FCRL6: variants seen among roughly 807,000 people sequenced by gnomAD.
FCRL6 encodes the protein Fc receptor like 6, also known as Fc receptor-like protein 6.
Under a neutral mutation model 49.1 loss-of-function variants are expected in FCRL6, and 50 were observed. The ratio of observed to expected loss-of-function variants is 1.02; its 90% confidence interval spans 0.81 to 1.29. The LOEUF (loss-of-function observed/expected upper bound fraction) is 1.29. Ranked by LOEUF, FCRL6 falls within the 50% of genes most tolerant of loss-of-function variation. FCRL6 has a pLI of 0.00. For missense variants in FCRL6, 571 were observed against 518.5 expected (o/e 1.10, Z -0.98); for synonymous variants, 213 against 199.6 (o/e 1.07, Z -0.57).
upstream of FCRL6, among the ~76,000 whole-genome samples, chr1:159,801,442 G>A (rs1411187986): frequency 1.3e-5 from 2 of 152,130 alleles, no homozygotes; most frequent in Non-Finnish European, 2.9e-5. Context: ...GGAGGGTCAC[G>A]GGCTCCCCCA....
At chr1:159,804,829 T>G (rs962428691) in intron 1 of FCRL6, among the ~76,000 whole-genome samples, 1 of 152,124 alleles carries the variant, frequency 6.6e-6, no homozygotes, top group African/African-American at 2.4e-5. Context: ...TCCAGTGAGG[T>G]GGGGAAGGGA....
chr1:159,800,550 C>G, upstream of FCRL6: 4 of 1,537,700 alleles, frequency 2.6e-6, no homozygotes, highest in South Asian at 4.8e-5. Context: ...AAGTTGAAGA[C>G]AACTCAGGAG....
At chr1:159,806,789 C>T (rs1211765522) in intron 2 of FCRL6, among the ~76,000 whole-genome samples, 173 bp downstream of exon 2, 1 of 152,178 alleles carries the variant, frequency 6.6e-6, no homozygotes, top group Non-Finnish European at 1.5e-5. Context: ...GAACTTGGAA[C>T]TCCACTAGTC....
At chr1:159,806,659 G>A (rs1436683029) in intron 2 of FCRL6, 43 bp downstream of exon 2, 11 of 1,604,150 alleles carry the variant, frequency 6.9e-6, no homozygotes, top group African/African-American at 1.3e-5. Context: ...GTATGTCTAT[G>A]GGCCAAAACT....
intron 8 of FCRL6, 67 bp from the exon 9 acceptor site, chr1:159,815,361 G>T (rs1455965108): frequency 9.2e-5 from 143 of 1,548,784 alleles, no homozygotes; most frequent in Non-Finnish European, 1.3e-4. Flanking sequence ...CAGCCAGGAG[G>T]GGTGGGAAGG....
upstream of FCRL6, among the ~76,000 whole-genome samples, chr1:159,801,416 G>T (rs1662327595): frequency 6.6e-6 from 1 of 152,222 alleles, no homozygotes; most frequent in East Asian, 1.9e-4. Flanking sequence ...CCAATACTCA[G>T]TAGAGGATTG....
chr1:159,807,235 G>C (rs1309838542), intron 2 of FCRL6, among the ~76,000 whole-genome samples: 4 of 152,218 alleles, frequency 2.6e-5, no homozygotes, highest in African/African-American at 4.8e-5. Flanking sequence ...TTACTTCCAG[G>C]GTGAGGAGAG....
intron 6 of FCRL6, among the ~76,000 whole-genome samples, chr1:159,811,966 C>G (rs1663112570): frequency 6.6e-6 from 1 of 152,204 alleles, no homozygotes; most frequent in Non-Finnish European, 1.5e-5. Flanking sequence ...AACTGCCTCC[C>G]TCCCCAGCCC....
At position 159,809,629 on chromosome 1, in the gene FCRL6, G is replaced by A; in HGVS notation, c.832G>A (p.Ala278Thr). Residue 278 changes from alanine to threonine, a missense_variant, in exon 5 of 10, where the codon GCT becomes ACT. Transcript: ENST00000368106. ...EQDAGNYSCE[A>T]ENSVSRERSE... The stretch of plus-strand genomic sequence containing the variant: ...GGATGCTGGGAACTACTCCTGCGAG[G>A]CTGAGAACAGTGTCTCCAGAGAGAG... 6.2e-7 allele frequency: 1 copy of A among 1,614,144 alleles called. No homozygotes were observed. Among genetic ancestry groups the A allele is most frequent in the Admixed American group, 1.7e-5 (1 of 60,016 alleles).
At position 159,807,482 on chromosome 1, in the gene FCRL6, C is replaced by T. The variant is rs112291914; in HGVS notation, c.53-696C>T. On this transcript the variant is annotated intron_variant, in intron 2 of 9. Transcript: ENST00000368106. ...TGATGGTGGATCCCTGGGAGCTCTT[C>T]TCCTGCTCACATCAGTGCACAGAAT... Among the ~76,000 whole-genome samples, 197 of 152,354 alleles carry T rather than the reference C, an allele frequency of 1.3e-3. 2 individuals carry two copies. Among genetic ancestry groups the T allele is most frequent in the African/African-American group, 4.4e-3 (184 of 41,582 alleles).
intron 2 of FCRL6, among the ~76,000 whole-genome samples, chr1:159,807,876 G>A (rs187088857): frequency 1.9e-3 from 291 of 151,966 alleles, no homozygotes; most frequent in African/African-American, 6.7e-3. Flanking sequence ...AGAAGACAAG[G>A]AGGGTGGGTG....
chr1:159,808,438 G>A lies in FCRL6; in HGVS notation c.313G>A (p.Val105Ile). ...TQTSETAMVQVQELFPPPVLS... is the reference protein window; with the variant it reads ...TQTSETAMVQIQELFPPPVLS... The stretch of plus-strand genomic sequence containing the variant: ...AACTTCAGAGACTGCCATGGTTCAA[G>A]TCCAAGGTGAGTCACCAGCTTGGGA... Residue 105 changes from valine to isoleucine, a missense_variant, in exon 3 of 10, where the codon GTC (valine) becomes ATC (isoleucine). Transcript: ENST00000368106. The A allele has an allele frequency of 1.2e-6, 2 of 1,614,206 alleles. No homozygotes were observed. The highest frequency in any genetic ancestry group is 1.1e-5 in the South Asian group (1 of 91,076).
chr1:159,814,406 C>A, intron 8 of FCRL6, 114 bp downstream of exon 8: 1 of 742,834 alleles, frequency 1.3e-6, no homozygotes, highest in Non-Finnish European at 2.3e-6. Flanking sequence ...ACCACCATCA[C>A]TATCACCAAG....
At chr1:159,804,689 A>G (rs1662564925) in intron 1 of FCRL6, among the ~76,000 whole-genome samples, 9 of 152,222 alleles carry the variant, frequency 5.9e-5, no homozygotes. Context: ...CATGGGGAGC[A>G]AGTCATTGAG....
chr1:159,802,349 G>A (rs1358307480), upstream of FCRL6: 8 of 1,587,766 alleles, frequency 5.0e-6, no homozygotes, highest in Non-Finnish European at 6.9e-6. Flanking sequence ...CGGTCCTGAG[G>A]CCTGGTTGCT....
At chr1:159,802,661 G>A (rs1275335903) in intron 1 of FCRL6, among the ~76,000 whole-genome samples, 1 of 152,184 alleles carries the variant, frequency 6.6e-6, no homozygotes, top group African/African-American at 2.4e-5. Flanking sequence ...CGTAGTCCTG[G>A]GTCCTTGGCA....
rs550903353 is a variant in FCRL6 at position 159,809,180 on chromosome 1, G to A, written c.539G>A (p.Cys180Tyr). Residue 180 changes from cysteine (C) to tyrosine (Y), a missense_variant, in exon 4 of 10, where the codon TGT becomes TAT. Cys to Tyr is a radical substitution (Grantham distance 194). Transcript: ENST00000368106. The part of the protein sequence containing the change: ...AKEGDSGLYW[C>Y]EVAPEGGQVQ... ...GAGGGAGACTCTGGGCTTTACTGGT[G>A]TGAGGTGGCCCCTGAGGGTGGCCAG... is the stretch of plus-strand genomic sequence containing the variant. 72 of 1,610,874 alleles carry A rather than the reference G, an allele frequency of 4.5e-5. 1 individual carries two copies. In the South Asian group the frequency reaches 7.4e-4, roughly 17 times the overall value.
intron 1 of FCRL6, among the ~76,000 whole-genome samples, chr1:159,805,272 G>A (rs2101734535): frequency 6.6e-6 from 1 of 152,316 alleles, no homozygotes; most frequent in South Asian, 2.1e-4. Context: ...TGTGTCCAAA[G>A]TAGTGTAGAA....
Position 159,814,224 on chromosome 1 carries a change from A to G in FCRL6, c.1079A>G (p.His360Arg), listed in dbSNP as rs762774496. The change falls in exon 8 of 10, where the codon CAT (histidine) becomes CGT (arginine). Residue 360 changes from histidine to arginine, a missense_variant. His to Arg is a conservative substitution (Grantham distance 29, BLOSUM62 0). Coordinates refer to ENST00000368106, the MANE Select transcript of FCRL6 (RefSeq NM_001004310.3). Reference protein sequence around the residue: ...GEQCPLYANVHHQKGKDEGVV... With the variant: ...GEQCPLYANVRHQKGKDEGVV... The stretch of plus-strand genomic sequence containing the variant: ...TAAGCCTCATTCCTTCTTCCAGTGC[A>G]TCACCAGAAAGGGAAAGATGAAGGT... The G allele has an allele frequency of 3.1e-5, 50 of 1,613,806 alleles. No individual in the cohort carries two copies. Among genetic ancestry groups the G allele is most frequent in the Non-Finnish European group, 4.0e-5 (47 of 1,179,790 alleles).
Sources: allele counts gnomAD v4.1 joint callset (sites outside exome capture counted in the v4.1 genomes callset), GRCh38; gene constraint gnomAD v4.1.1; transcripts MANE v1.5; gene names NCBI Gene and HGNC (gene_info 2026-07-23, HGNC 2026-07-21).